FAM91A1: variants seen among roughly 807,000 people sequenced by gnomAD.
The protein encoded by FAM91A1 is protein FAM91A1.
Under a neutral mutation model 113.5 loss-of-function variants are expected in FAM91A1, and 41 were observed. The ratio of observed to expected loss-of-function variants is 0.36; its 90% confidence interval spans 0.28 to 0.47. The LOEUF is 0.47. Ranked by LOEUF, FAM91A1 falls within the 20% of genes least tolerant of loss-of-function variation. The pLI, the probability that FAM91A1 is intolerant of heterozygous loss-of-function variation, is 1.00. For synonymous variants in FAM91A1, 307 were observed against 347.9 expected, an observed-to-expected ratio of 0.88 and a Z score of 1.31; for missense variants, 696 against 1,001.2, an observed-to-expected ratio of 0.70 and a Z score of 4.11.
chr8:123,780,378 T>C, intron 7 of FAM91A1, 102 bp from the exon 8 acceptor site: 1 of 908,906 alleles, frequency 1.1e-6, no homozygotes, highest in South Asian at 1.6e-5. Flanking sequence ...TCACATAGCA[T>C]TCATTTGTAA....
At chr8:123,791,430 A>G (rs968872438) in intron 15 of FAM91A1, among the ~76,000 whole-genome samples, 1 of 152,096 alleles carries the variant, frequency 6.6e-6, no homozygotes, top group Non-Finnish European at 1.5e-5. Flanking sequence ...TCAGTGTACC[A>G]TGAAGTAAGT....
At chr8:123,801,379 G>C (rs963154068) in intron 18 of FAM91A1, among the ~76,000 whole-genome samples, 3 of 152,184 alleles carry the variant, frequency 2.0e-5, no homozygotes, top group Non-Finnish European at 4.4e-5. Context: ...ATGGCAACTA[G>C]TGGTAAGGTA....
chr8:123,787,144 T>G, intron 12 of FAM91A1, 117 bp from the exon 13 acceptor site: 2 of 770,492 alleles, frequency 2.6e-6, no homozygotes, highest in Non-Finnish European at 4.2e-6. Flanking sequence ...AATAGTGCCT[T>G]TTTAAAATTA....
At chr8:123,812,144 A>G (rs1292213665) in intron 23 of FAM91A1, 1 of 154,096 alleles carries the variant, frequency 6.5e-6, no homozygotes, top group African/African-American at 2.5e-5. Context: ...GAGTGCTGGG[A>G]TTACAGGCGC....
intron 18 of FAM91A1, among the ~76,000 whole-genome samples, chr8:123,803,727 T>G (rs1815740909): frequency 6.6e-6 from 1 of 152,236 alleles, no homozygotes; most frequent in Non-Finnish European, 1.5e-5. Flanking sequence ...CAAATTAAGA[T>G]TTTTGGTTAA....
chr8:123,785,562 T>G, intron 10 of FAM91A1, 67 bp from the exon 11 acceptor site: 1 of 1,082,760 alleles, frequency 9.2e-7, no homozygotes, highest in Non-Finnish European at 1.4e-6. Flanking sequence ...CACTATTTTT[T>G]CTCTACAAAT....
Position 123,787,732 on chromosome 8 carries a change from T to C in FAM91A1, c.1260T>C (p.Phe420=). Residue 420 remains phenylalanine (F), a synonymous_variant, in exon 14 of 24, where the codon TTT becomes TTC. Transcript: ENST00000334705. ...TCTCAGATGAGTCTCTGGACAGCTT[T>C]CTTATAGAACTAGAAAAGGTAAATG... ...GKLSDESLDS[F]LIELEKVQST... is the part of the protein sequence containing the mutation. 1 of 1,612,466 alleles carries C rather than the reference T, an allele frequency of 6.2e-7. No homozygotes were observed. Among genetic ancestry groups the C allele is most frequent in the Admixed American group, 1.7e-5 (1 of 59,758 alleles).
chr8:123,797,089 G>A (rs1815541499), intron 15 of FAM91A1, among the ~76,000 whole-genome samples: 1 of 151,756 alleles, frequency 6.6e-6, no homozygotes, highest in African/African-American at 2.4e-5. Flanking sequence ...AAAAGATATG[G>A]GCCTTGAAGA....
At chr8:123,795,903 A>G (rs1350443253) in intron 15 of FAM91A1, among the ~76,000 whole-genome samples, 4 of 152,214 alleles carry the variant, frequency 2.6e-5, no homozygotes, top group Non-Finnish European at 5.9e-5. Context: ...TTGAAGGGAA[A>G]AGATAAATGC....
At chr8:123,785,477 A>T in intron 10 of FAM91A1, 152 bp from the exon 11 acceptor site, 1 of 625,354 alleles carries the variant, frequency 1.6e-6, no homozygotes, top group Non-Finnish European at 2.8e-6. Context: ...GAAGACTTCA[A>T]GGGAGGAGCA....
chr8:123,807,484 A>T (rs1018774549), intron 20 of FAM91A1, among the ~76,000 whole-genome samples: 28 of 144,958 alleles, frequency 1.9e-4, no homozygotes, highest in African/African-American at 7.2e-4. Flanking sequence ...TCTCTACAAA[A>T]AAAAAAAAAA....
At chr8:123,806,447 CT>C (rs376795557) in intron 20 of FAM91A1, among the ~76,000 whole-genome samples, 29 of 152,240 alleles carry the variant, frequency 1.9e-4, no homozygotes, top group African/African-American at 6.5e-4. Flanking sequence ...TGGTTTGGGA[CT>C]TTTGGGTGCT....
rs1815200039 is a variant in FAM91A1, at chr8:123,784,405, T to A, written c.704-65T>A. 4.9e-6 allele frequency: 6 copies of A among 1,222,998 alleles called. No individual in the cohort carries two copies. In the South Asian group the frequency reaches 8.7e-5, roughly 18 times the overall value. 75.8% of individuals were successfully genotyped at this position (1,222,998 alleles called of 1,614,324 possible). A position where few individuals can be genotyped will look rare whatever the true frequency, so the allele number is the denominator to read the frequency against. On this transcript the variant is annotated intron_variant, in intron 8 of 23. Transcript: ENST00000334705. ...AGGTTTCTTTTTTTAATTAGATATG[T>A]AAATTATACTTTCTTGTTTTATAAA...
At chr8:123,809,271 G>C (rs746087982) in intron 22 of FAM91A1, among the ~76,000 whole-genome samples, 2 of 152,192 alleles carry the variant, frequency 1.3e-5, no homozygotes, top group African/African-American at 4.8e-5. Flanking sequence ...TAGGTGAGGT[G>C]AGGGTGTGGT....
chr8:123,812,322 G>A (rs930897771), intron 23 of FAM91A1, 197 bp from the exon 24 acceptor site: 42 of 409,380 alleles, frequency 1.0e-4, no homozygotes, highest in African/African-American at 8.4e-4. Flanking sequence ...ACAGTTTAAC[G>A]TTGTTAGTCA....
At chr8:123,782,536 A>G (rs1421647256) in intron 8 of FAM91A1, among the ~76,000 whole-genome samples, 3 of 152,106 alleles carry the variant, frequency 2.0e-5, no homozygotes, top group Admixed American at 1.3e-4. Context: ...TTATTCATCA[A>G]ATTTTCTAAC....
intron 22 of FAM91A1, among the ~76,000 whole-genome samples, chr8:123,809,557 A>G (rs1209221079): frequency 3.3e-5 from 5 of 152,210 alleles, no homozygotes; most frequent in Non-Finnish European, 7.3e-5. Flanking sequence ...CTAAGAGGCA[A>G]TGTTGTAAAG....
intron 6 of FAM91A1, 51 bp from the exon 7 acceptor site, chr8:123,779,934 G>T: frequency 6.8e-7 from 1 of 1,479,038 alleles, no homozygotes; most frequent in South Asian, 1.2e-5. Context: ...GGAGACTTGT[G>T]AATTAGTTAA....
chr8:123,785,313 A>G (rs925982583), intron 10 of FAM91A1, among the ~76,000 whole-genome samples, 194 bp downstream of exon 10: 1 of 152,228 alleles, frequency 6.6e-6, no homozygotes, highest in Non-Finnish European at 1.5e-5. Flanking sequence ...TTGGGATTCA[A>G]ACACATGGAC....
Sources: allele counts gnomAD v4.1 joint callset (sites outside exome capture counted in the v4.1 genomes callset), GRCh38; gene constraint gnomAD v4.1.1; transcripts MANE v1.5; gene names NCBI Gene and HGNC (gene_info 2026-07-23, HGNC 2026-07-21).